The following TTC23 variants were observed in gnomAD, a reference collection of about 807,000 sequenced individuals.
TTC23 encodes the protein tetratricopeptide repeat domain 23.
In TTC23, 58 loss-of-function variants were observed where a neutral mutation model predicts 55.1. The ratio of observed to expected loss-of-function variants is 1.05; its 90% CI spans 0.85 to 1.31. The LOEUF is 1.31. Among genes scored for constraint, TTC23 ranks in the 50% most tolerant of loss-of-function variants. The pLI is 0.00. For synonymous variants in TTC23, 203 were observed against 199.9 expected, an observed-to-expected ratio of 1.02 and a Z score of -0.13; for missense variants, 516 against 534.4, an observed-to-expected ratio of 0.97 and a Z score of 0.34.
chr15:99,152,436 G>C (rs972486254), intron 12 of TTC23, among the ~76,000 whole-genome samples: 151 of 152,242 alleles, frequency 9.9e-4, no homozygotes, highest in African/African-American at 3.5e-3. Flanking sequence ...GAGTGCAGTG[G>C]CATGATCTCG....
At chr15:99,197,324 G>C (rs763945015) in intron 9 of TTC23, among the ~76,000 whole-genome samples, 53 of 152,082 alleles carry the variant, frequency 3.5e-4, no homozygotes, top group African/African-American at 5.5e-4. Flanking sequence ...GGATGGTCTT[G>C]ATCTCCTGAC....
At chr15:99,172,853 T>C (rs1292660217) in intron 10 of TTC23, among the ~76,000 whole-genome samples, 1 of 152,224 alleles carries the variant, frequency 6.6e-6, no homozygotes. Flanking sequence ...GAGAAGGCAA[T>C]AGAGTGCTAT....
intron 4 of TTC23, among the ~76,000 whole-genome samples, chr15:99,232,892 C>G (rs1209981550): frequency 6.6e-6 from 1 of 152,152 alleles, no homozygotes; most frequent in Admixed American, 6.5e-5. Flanking sequence ...ATGTAAATGT[C>G]TATCAACAGA....
chr15:99,229,138 T>C (rs915030227), intron 4 of TTC23, among the ~76,000 whole-genome samples: 1 of 145,966 alleles, frequency 6.9e-6, no homozygotes, highest in African/African-American at 2.5e-5. Flanking sequence ...TGTATTTGCA[T>C]GTACATATAT....
chr15:99,204,632 G>GTTTTTTTTTT (rs56890685), intron 8 of TTC23, among the ~76,000 whole-genome samples: 2,219 of 60,788 alleles, frequency 0.037, 507 homozygotes, highest in African/African-American at 0.063. Flanking sequence ...TAGATTTAAG[G>GTTTTTTTTTT]TTTTTTTTTT....
At chr15:99,183,979 A>G (rs1255233208) in intron 9 of TTC23, among the ~76,000 whole-genome samples, 1 of 152,138 alleles carries the variant, frequency 6.6e-6, no homozygotes, top group African/African-American at 2.4e-5. Context: ...CATGGCTAGA[A>G]GGGGCAAAGG....
intron 12 of TTC23, among the ~76,000 whole-genome samples, chr15:99,154,849 C>A (rs544473263): frequency 1.3e-5 from 2 of 152,266 alleles, no homozygotes; most frequent in Non-Finnish European, 2.9e-5. Flanking sequence ...AAACCAGCAT[C>A]TATTAAATAA....
intron 8 of TTC23, among the ~76,000 whole-genome samples, chr15:99,203,693 T>A (rs1308909055): frequency 1.3e-5 from 2 of 149,950 alleles, no homozygotes; most frequent in Non-Finnish European, 3.0e-5. Flanking sequence ...CAATTTTTCT[T>A]TTTTTTCTTT....
intron 8 of TTC23, among the ~76,000 whole-genome samples, chr15:99,215,418 G>A (rs2077397205): frequency 6.6e-6 from 1 of 152,080 alleles, no homozygotes; most frequent in Non-Finnish European, 1.5e-5. Flanking sequence ...AGGGATATAA[G>A]TGACAAACTC....
chr15:99,161,669 G>A, intron 11 of TTC23, 71 bp downstream of exon 11: 1 of 1,528,672 alleles, frequency 6.5e-7, no homozygotes, highest in South Asian at 1.3e-5. Flanking sequence ...ATGGATGCTT[G>A]CAGAGTAAAG....
Position 99,211,467 on chromosome 15 carries a change from A to G in TTC23, c.581+7121T>C, listed in dbSNP as rs901334095. 2.2e-4 allele frequency among the ~76,000 whole-genome samples: 34 copies of G among 152,206 alleles called. 2 individuals carry two copies. On this transcript the variant is annotated intron_variant, in intron 8 of 13. Transcript: ENST00000394132. ...CATGAGAGCAAAGAAAACAAAATGT[A>G]GCCTTCCCAAGGCACAGGGAAAAAA...
chr15:99,207,131 A>C (rs1029035570), intron 8 of TTC23, among the ~76,000 whole-genome samples: 1 of 152,218 alleles, frequency 6.6e-6, no homozygotes, highest in Non-Finnish European at 1.5e-5. Context: ...CATATGGAAA[A>C]GTAACCCTGT....
At chr15:99,197,249 C>T (rs1230120087) in intron 9 of TTC23, among the ~76,000 whole-genome samples, 1 of 152,082 alleles carries the variant, frequency 6.6e-6, no homozygotes. Context: ...ACTACAGGCG[C>T]CCGCCACCAT....
At chr15:99,161,968 G>T in intron 10 of TTC23, 101 bp from the exon 11 acceptor site, 1 of 1,294,514 alleles carries the variant, frequency 7.7e-7, no homozygotes, top group Non-Finnish European at 1.0e-6. Context: ...TTGGAAAGAG[G>T]TATTGGGACA....
intron 4 of TTC23, among the ~76,000 whole-genome samples, chr15:99,229,996 C>T (rs758030191): frequency 6.6e-6 from 1 of 152,148 alleles, no homozygotes; most frequent in Non-Finnish European, 1.5e-5. Context: ...TAACCAACAC[C>T]TAACGAGGTA....
At chr15:99,166,826 C>G (rs2072174068) in intron 10 of TTC23, among the ~76,000 whole-genome samples, 1 of 152,204 alleles carries the variant, frequency 6.6e-6, no homozygotes. Context: ...AGCCACACAT[C>G]AGGCATCTGT....
chr15:99,234,307 C>G (rs1348749341), intron 4 of TTC23, among the ~76,000 whole-genome samples: 1 of 152,162 alleles, frequency 6.6e-6, no homozygotes, highest in Non-Finnish European at 1.5e-5. Flanking sequence ...ATAAAGAACT[C>G]TCAACACTCA....
intron 5 of TTC23, among the ~76,000 whole-genome samples, chr15:99,222,585 T>A (rs2078037174): frequency 6.6e-6 from 1 of 152,198 alleles, no homozygotes; most frequent in Non-Finnish European, 1.5e-5. Context: ...CAGACTTGAT[T>A]AAAGCAGCAA....
intron 12 of TTC23, among the ~76,000 whole-genome samples, chr15:99,153,257 A>G (rs2070085519): frequency 6.6e-6 from 1 of 152,254 alleles, no homozygotes; most frequent in Admixed American, 6.5e-5. Flanking sequence ...CTTCCTGGCT[A>G]GACTGGGAAC....
Sources: gnomAD v4.1 joint callset for allele counts (sites outside exome capture counted in the v4.1 genomes callset) on GRCh38, gnomAD v4.1.1 for gene constraint, MANE v1.5 for transcripts, NCBI Gene and HGNC (gene_info 2026-07-23, HGNC 2026-07-21) for gene names.